The following DCLK1 variants were observed in gnomAD, a reference collection of about 807,000 sequenced individuals.
DCLK1 encodes doublecortin like kinase 1, also known as serine/threonine-protein kinase DCLK1.
In DCLK1, 16 loss-of-function variants were observed where a neutral mutation model predicts 86.2. The observed-to-expected ratio is 0.19, with a 90% CI of 0.13 to 0.28. The LOEUF is 0.28. Ranked by LOEUF, DCLK1 falls within the 10% of genes least tolerant of loss-of-function variation. DCLK1 has a pLI of 1.00. For synonymous variants in DCLK1, 369 were observed against 370.5 expected (o/e 1.00, Z 0.05); for missense variants, 590 against 940.2 (o/e 0.63, Z 4.87).
chr13:35,840,058 G>A (rs1404190435), intron 6 of DCLK1, among the ~76,000 whole-genome samples: 1 of 152,202 alleles, frequency 6.6e-6, no homozygotes, highest in Non-Finnish European at 1.5e-5. Context: ...GGCCTGATGG[G>A]AGCAGGAGGC....
intron 4 of DCLK1, among the ~76,000 whole-genome samples, chr13:35,873,127 G>A (rs1593686000): frequency 6.6e-6 from 1 of 151,800 alleles, no homozygotes; most frequent in Non-Finnish European, 1.5e-5. Flanking sequence ...GTGAAACCCT[G>A]CCTCTACTAA....
chr13:36,099,203 G>A (rs1885114711), intron 3 of DCLK1, among the ~76,000 whole-genome samples: 1 of 152,094 alleles, frequency 6.6e-6, no homozygotes, highest in Non-Finnish European at 1.5e-5. Flanking sequence ...CCTGACCTCA[G>A]GCAATCAGCC....
At chr13:35,969,545 G>C (rs1048676468) in intron 3 of DCLK1, among the ~76,000 whole-genome samples, 8 of 152,208 alleles carry the variant, frequency 5.3e-5, no homozygotes, top group African/African-American at 1.9e-4. Context: ...CAAGAACTGG[G>C]AGATAATACA....
chr13:36,099,708 A>C (rs1410388259), intron 3 of DCLK1, among the ~76,000 whole-genome samples: 1 of 152,222 alleles, frequency 6.6e-6, no homozygotes, highest in African/African-American at 2.4e-5. Flanking sequence ...TCTTAATAAA[A>C]CCCAGGTGAA....
At chr13:35,944,391 G>A (rs1877251590) in intron 4 of DCLK1, among the ~76,000 whole-genome samples, 1 of 152,142 alleles carries the variant, frequency 6.6e-6, no homozygotes. Flanking sequence ...CCCCTTTAAG[G>A]AAGCTACTAT....
In DCLK1 at chr13:35,822,813, C is replaced by T; in HGVS notation, c.1470G>A (p.Gly490=). Residue 490 remains glycine, a synonymous_variant, in exon 11 of 17, where the codon GGG becomes GGA. Transcript: ENST00000360631. ...TNKYTERDAS[G]MLYNLASAIK... is the part of the protein sequence containing the mutation. Reference sequence around the variant, plus strand: ...TGGCGCTGGCTAGGTTGTACAGCATCCCACTGGCGTCTCTCTCGGTGTATT... The same window carrying T: ...TGGCGCTGGCTAGGTTGTACAGCATTCCACTGGCGTCTCTCTCGGTGTATT... 1 of 1,613,712 alleles carries T rather than the reference C, an allele frequency of 6.2e-7. No individual in the cohort carries two copies. Among genetic ancestry groups the T allele is most frequent in the Non-Finnish European group, 8.5e-7 (1 of 1,179,958 alleles).
In DCLK1 at chr13:36,080,247, G is replaced by A. The variant is rs1051666360; in HGVS notation, c.723+31622C>T. On this transcript the variant is annotated intron_variant, in intron 3 of 16. Transcript: ENST00000360631. Reference sequence around the variant, plus strand: ...TAGCTTGTGCGGATAACCAGTGTTCGGGTGGAGGGCATAAGAAAGGAAAGC... The same window carrying A: ...TAGCTTGTGCGGATAACCAGTGTTCAGGTGGAGGGCATAAGAAAGGAAAGC... Among the ~76,000 whole-genome samples the A allele has an allele frequency of 5.3e-5, 8 of 152,134 alleles. No individual in the cohort carries two copies. In the South Asian group the frequency reaches 1.4e-3, roughly 28 times the overall value.
intron 6 of DCLK1, among the ~76,000 whole-genome samples, chr13:35,845,369 T>C (rs1870103052): frequency 6.6e-6 from 1 of 152,218 alleles, no homozygotes; most frequent in African/African-American, 2.4e-5. Flanking sequence ...TAGAGTCAAG[T>C]ATTTTATTAT....
At chr13:35,944,436 C>A (rs375566052) in intron 4 of DCLK1, among the ~76,000 whole-genome samples, 1 of 152,092 alleles carries the variant, frequency 6.6e-6, no homozygotes, top group African/African-American at 2.4e-5. Flanking sequence ...TGTGCAAATA[C>A]CACTTAGCAA....
Position 35,989,711 on chromosome 13 carries a change from C to CTTTT in DCLK1, c.724-42258_724-42255dup, listed in dbSNP as rs567228278. Among the ~76,000 whole-genome samples the CTTTT allele has an allele frequency of 8.8e-4, 118 of 134,192 alleles. 1 individual carries two copies. The highest frequency in any genetic ancestry group is 4.0e-3 in the Middle Eastern group (1 of 250). The allele number at this position is 134,192 out of a possible 152,430, so 88.0% of individuals were successfully genotyped here. On this transcript the variant is annotated intron_variant, in intron 3 of 16. Transcript: ENST00000360631. Reference sequence around the variant, plus strand: ...TGCACCATCATGCCTGGCTAATTGGCTTTTTTTTTTTTTTTTCCTTTAAGA... The same window carrying CTTTT: ...TGCACCATCATGCCTGGCTAATTGGCTTTTTTTTTTTTTTTTTTTTCCTTTAAGA...
intron 4 of DCLK1, among the ~76,000 whole-genome samples, chr13:35,909,432 C>T (rs547045834): frequency 6.6e-6 from 1 of 152,276 alleles, no homozygotes; most frequent in South Asian, 2.1e-4. Flanking sequence ...CACTGTATGA[C>T]ATTAAGCAAC....
chr13:35,825,843 G>A (rs182846507), intron 10 of DCLK1, among the ~76,000 whole-genome samples: 6 of 149,434 alleles, frequency 4.0e-5, no homozygotes, highest in Admixed American at 1.3e-4. Context: ...ACAGAGTTTC[G>A]CTCTTTTTGC....
chr13:35,844,243 A>C (rs1235354746), intron 6 of DCLK1, among the ~76,000 whole-genome samples: 2 of 152,236 alleles, frequency 1.3e-5, no homozygotes, highest in East Asian at 3.8e-4. Context: ...AGATTTGGAT[A>C]ATTTTTTCAA....
chr13:35,813,730 C>CTTT (rs35366486), intron 11 of DCLK1, among the ~76,000 whole-genome samples: 24 of 105,432 alleles, frequency 2.3e-4, no homozygotes, highest in African/African-American at 6.1e-4. Flanking sequence ...CCCCGCCCCG[C>CTTT]TTTTTTTTTT....
At chr13:35,991,101 C>A (rs1180618645) in intron 3 of DCLK1, among the ~76,000 whole-genome samples, 4 of 152,082 alleles carry the variant, frequency 2.6e-5, no homozygotes, top group Non-Finnish European at 5.9e-5. Context: ...ATTTCACCCA[C>A]CTCCCCTTCT....
Position 35,810,864 on chromosome 13 carries a change from G to A in DCLK1, c.1659C>T (p.Tyr553=), listed in dbSNP as rs144489471. Residue 553 remains tyrosine (Y), a synonymous_variant, in exon 12 of 17, where the codon TAC becomes TAT. Transcript: ENST00000360631. ...TCTCTGCAATGATTTCTGGAGCCAC[G>A]TATGTTGGGGTGCCACAGACTGTGT... The part of the protein sequence containing the change: ...PLYTVCGTPT[Y]VAPEIIAETG... 236 of 1,613,936 alleles carry A rather than the reference G, an allele frequency of 1.5e-4. No homozygotes were observed. Among genetic ancestry groups the A allele is most frequent in the East Asian group, 8.7e-4 (39 of 44,870 alleles).
At chr13:35,822,514 G>A (rs986303450) in intron 11 of DCLK1, among the ~76,000 whole-genome samples, 1 of 151,972 alleles carries the variant, frequency 6.6e-6, no homozygotes, top group African/African-American at 2.4e-5. Context: ...TCTTGTGCCT[G>A]GTTTTTGTTT....
At chr13:35,838,858 T>C (rs1323982023) in intron 7 of DCLK1, among the ~76,000 whole-genome samples, 1 of 152,178 alleles carries the variant, frequency 6.6e-6, no homozygotes, top group Non-Finnish European at 1.5e-5. Context: ...AGGATACATA[T>C]GCCCTCAGAG....
chr13:35,869,667 T>A (rs1029469474), intron 5 of DCLK1, among the ~76,000 whole-genome samples: 4 of 152,244 alleles, frequency 2.6e-5, no homozygotes, highest in Non-Finnish European at 5.9e-5. Flanking sequence ...AAAGTGTGCA[T>A]TGGAATCAGC....
Sources: allele counts gnomAD v4.1 joint callset (sites outside exome capture counted in the v4.1 genomes callset), GRCh38; gene constraint gnomAD v4.1.1; transcripts MANE v1.5; gene names NCBI Gene and HGNC (gene_info 2026-07-23, HGNC 2026-07-21).